Variants in XYLT1 observed in about 807,000 individuals in gnomAD.
XYLT1 encodes the protein beta-D-xylosyltransferase 1.
XYLT1 carries 36 observed loss-of-function variants against 91.3 expected under a neutral mutation model. The ratio of observed to expected loss-of-function variants is 0.39; its 90% CI spans 0.30 to 0.52. The LOEUF (loss-of-function observed/expected upper bound fraction) is 0.52, where lower values mean the gene tolerates loss of function less well. XYLT1 is among the 20% of genes least tolerant of loss of function. The probability of loss-of-function intolerance (pLI) is 0.68; values close to 1 mark genes in which losing one functional copy is unlikely to be tolerated. For synonymous variants in XYLT1, 588 were observed against 532.0 expected, an observed-to-expected ratio of 1.11 and a Z score of -1.45; for missense variants, 1,242 against 1,284.5, an observed-to-expected ratio of 0.97 and a Z score of 0.51.
At chr16:17,279,652 T>C (rs1206426507) in intron 2 of XYLT1, among the ~76,000 whole-genome samples, 3 of 152,232 alleles carry the variant, frequency 2.0e-5, no homozygotes, top group African/African-American at 7.2e-5. Flanking sequence ...GAGAGTGGGC[T>C]GAGGGGTCAG....
chr16:17,378,681 CACG>C (rs1453024953), intron 1 of XYLT1, among the ~76,000 whole-genome samples: 3 of 152,188 alleles, frequency 2.0e-5, no homozygotes, highest in East Asian at 1.9e-4. Context: ...TTTTCACCGT[CACG>C]ACAACACTGT....
At position 17,138,340 on chromosome 16, in the gene XYLT1, A is replaced by G; in HGVS notation, c.1764+15T>C. On this transcript the variant is annotated intron_variant, in intron 8 of 11. Coordinates refer to ENST00000261381, the MANE Select transcript of XYLT1 (RefSeq NM_022166.4). ...GCATCACTTAGGAGGCTGGCAGACC[A>G]TGAGAAAGTCTCACCTGGAAGCGGT... 1 of 1,604,542 alleles carries G rather than the reference A, an allele frequency of 6.2e-7. No individual in the cohort carries two copies. Among genetic ancestry groups the G allele is most frequent in the African/African-American group, 1.3e-5 (1 of 74,900 alleles).
At chr16:17,158,721 C>A in intron 6 of XYLT1, 108 bp downstream of exon 6, 1 of 1,215,854 alleles carries the variant, frequency 8.2e-7, no homozygotes, top group Non-Finnish European at 1.2e-6. Context: ...AGCCTTTCTC[C>A]CACCCTCAAC....
intron 5 of XYLT1, among the ~76,000 whole-genome samples, chr16:17,161,516 C>A (rs993182352): frequency 3.9e-5 from 6 of 152,212 alleles, no homozygotes; most frequent in African/African-American, 1.4e-4. Flanking sequence ...CCCATCCCCC[C>A]AGTCCTTCTC....
At chr16:17,389,736 T>C (rs1159238477) in intron 1 of XYLT1, among the ~76,000 whole-genome samples, 1 of 152,120 alleles carries the variant, frequency 6.6e-6, no homozygotes, top group East Asian at 1.9e-4. Flanking sequence ...CTGCAATCCA[T>C]CCAAGAATCA....
chr16:17,123,978 G>T (rs959717572), intron 10 of XYLT1, among the ~76,000 whole-genome samples: 37 of 152,238 alleles, frequency 2.4e-4, no homozygotes, highest in African/African-American at 8.9e-4. Flanking sequence ...GTGTCCATTT[G>T]CATGGAGTAT....
intron 9 of XYLT1, among the ~76,000 whole-genome samples, chr16:17,133,365 G>A (rs1255052471): frequency 6.6e-6 from 1 of 152,026 alleles, no homozygotes; most frequent in African/African-American, 2.4e-5. Context: ...AGGCACTTCT[G>A]GGAATCTATC....
intron 11 of XYLT1, among the ~76,000 whole-genome samples, chr16:17,116,970 G>A (rs1451127529): frequency 6.6e-6 from 1 of 152,076 alleles, no homozygotes; most frequent in Non-Finnish European, 1.5e-5. Flanking sequence ...TTTATAGCAG[G>A]GTTGGTGGTC....
At chr16:17,365,015 A>G (rs1596504729) in intron 1 of XYLT1, among the ~76,000 whole-genome samples, 1 of 152,282 alleles carries the variant, frequency 6.6e-6, no homozygotes, top group East Asian at 1.9e-4. Context: ...AAACTGACAA[A>G]GAATACGATT....
At chr16:17,441,322 C>T (rs549884563) in intron 1 of XYLT1, among the ~76,000 whole-genome samples, 60 of 152,004 alleles carry the variant, frequency 3.9e-4, no homozygotes, top group African/African-American at 1.4e-3. Flanking sequence ...TTTTGTTTGG[C>T]CACACAGGGT....
At chr16:17,347,546 G>A (rs1164915090) in intron 2 of XYLT1, among the ~76,000 whole-genome samples, 1 of 152,158 alleles carries the variant, frequency 6.6e-6, no homozygotes, top group Non-Finnish European at 1.5e-5. Context: ...TGACAGCTAT[G>A]ATCTTCTCTC....
chr16:17,457,636 C>A (rs1182193904), intron 1 of XYLT1, among the ~76,000 whole-genome samples: 3 of 152,160 alleles, frequency 2.0e-5, no homozygotes, highest in African/African-American at 7.2e-5. Context: ...AATAGGGTTA[C>A]AAGAAAAAGC....
rs756880606 is a variant in XYLT1 at position 17,103,569 on chromosome 16, G to A, written c.*5126C>T. 6.6e-6 allele frequency: 1 copy of A among 152,132 alleles called. No individual in the cohort carries two copies. The highest frequency in any genetic ancestry group is 6.5e-5 in the Admixed American group (1 of 15,272). 9.4% of individuals were successfully genotyped at this position (152,132 alleles called of 1,614,324 possible). Reference sequence around the variant, plus strand: ...TCAGCTTCCCAAAAATAATGTTAAGGCCACATTTCAAAAAGGAGAAACCTA... The same window carrying A: ...TCAGCTTCCCAAAAATAATGTTAAGACCACATTTCAAAAAGGAGAAACCTA... On this transcript the variant is annotated 3_prime_UTR_variant, in exon 12 of 12. Coordinates refer to ENST00000261381, the MANE Select transcript of XYLT1 (RefSeq NM_022166.4).
intron 3 of XYLT1, among the ~76,000 whole-genome samples, chr16:17,212,630 A>G (rs2032780531): frequency 6.6e-6 from 1 of 151,940 alleles, no homozygotes; most frequent in Admixed American, 6.6e-5. Context: ...TCCACCCCCG[A>G]CCAAGCACTC....
intron 11 of XYLT1, among the ~76,000 whole-genome samples, chr16:17,114,803 G>A (rs1273640957): frequency 6.6e-6 from 1 of 151,018 alleles, no homozygotes; most frequent in Non-Finnish European, 1.5e-5. Flanking sequence ...TTGTGTTATG[G>A]ATGTAACTGC....
intron 2 of XYLT1, among the ~76,000 whole-genome samples, chr16:17,274,214 A>G (rs780862036): frequency 3.9e-5 from 6 of 152,124 alleles, no homozygotes; most frequent in Admixed American, 6.5e-5. Flanking sequence ...ATAATAAAAC[A>G]TATTATCTGT....
chr16:17,125,633 T>G (rs2030234820), intron 10 of XYLT1, among the ~76,000 whole-genome samples: 1 of 152,138 alleles, frequency 6.6e-6, no homozygotes, highest in South Asian at 2.1e-4. Flanking sequence ...AAAGCCTTCC[T>G]AGATGAATCA....
intron 9 of XYLT1, 151 bp from the exon 10 acceptor site, chr16:17,128,012 A>G (rs779679975): frequency 6.5e-6 from 4 of 619,162 alleles, no homozygotes; most frequent in Non-Finnish European, 1.1e-5. Context: ...TATGATCTCA[A>G]TGACTATGAA....
chr16:17,211,633 A>G (rs1388733662), intron 3 of XYLT1, among the ~76,000 whole-genome samples: 2 of 152,198 alleles, frequency 1.3e-5, no homozygotes, highest in African/African-American at 4.8e-5. Context: ...AACTTGCCCA[A>G]GGTCACAGAG....
Sources: gnomAD v4.1 joint callset for allele counts (sites outside exome capture counted in the v4.1 genomes callset) on GRCh38, gnomAD v4.1.1 for gene constraint, MANE v1.5 for transcripts, NCBI Gene and HGNC (gene_info 2026-07-23, HGNC 2026-07-21) for gene names.